The following MDGA2 variants were observed in gnomAD, a reference collection of about 807,000 sequenced individuals.
MDGA2 encodes the protein MAM domain containing glycosylphosphatidylinositol anchor 2, also known as MAM domain-containing glycosylphosphatidylinositol anchor protein 2.
In MDGA2, 40 loss-of-function variants were observed where a neutral mutation model predicts 117.8. The ratio of observed to expected loss-of-function variants is 0.34; its 90% confidence interval spans 0.26 to 0.44. The LOEUF (loss-of-function observed/expected upper bound fraction) is 0.44, where lower values mean the gene tolerates loss of function less well. MDGA2 is among the 20% of genes least tolerant of loss of function. MDGA2 has a pLI of 1.00. For missense variants in MDGA2, 1,123 were observed against 1,250.6 expected, an observed-to-expected ratio of 0.90 and a Z score of 1.54; for synonymous variants, 452 against 439.0, an observed-to-expected ratio of 1.03 and a Z score of -0.37.
At chr14:47,607,154 AT>A (rs1896757954) in intron 1 of MDGA2, among the ~76,000 whole-genome samples, 1 of 152,180 alleles carries the variant, frequency 6.6e-6, no homozygotes, top group Admixed American at 6.6e-5. Flanking sequence ...GTTCTCTATT[AT>A]ATTGCACACT....
intron 3 of MDGA2, among the ~76,000 whole-genome samples, chr14:47,185,075 CA>C (rs1383654615): frequency 6.6e-6 from 1 of 150,664 alleles, no homozygotes; most frequent in African/African-American, 2.4e-5. Flanking sequence ...ATTTGCTTTT[CA>C]AAATGTCTAA....
chr14:47,251,470 A>G (rs925882592), intron 2 of MDGA2, among the ~76,000 whole-genome samples: 6 of 139,584 alleles, frequency 4.3e-5, no homozygotes, highest in Non-Finnish European at 6.4e-5. Flanking sequence ...TATTTAGTAC[A>G]TAATTTTTTT....
At chr14:47,056,647 A>G (rs1453938667) in intron 7 of MDGA2, among the ~76,000 whole-genome samples, 1 of 152,164 alleles carries the variant, frequency 6.6e-6, no homozygotes, top group Non-Finnish European at 1.5e-5. Flanking sequence ...TAAACCTACA[A>G]GTTTGTCAAG....
At chr14:47,495,865 C>T (rs1227670473) in intron 1 of MDGA2, among the ~76,000 whole-genome samples, 7 of 152,210 alleles carry the variant, frequency 4.6e-5, no homozygotes, top group Middle Eastern at 6.8e-3. Flanking sequence ...CATAAATACC[C>T]ATTTCATTGT....
At chr14:46,973,942 C>T (rs1035760767) in intron 8 of MDGA2, among the ~76,000 whole-genome samples, 1 of 149,836 alleles carries the variant, frequency 6.7e-6, no homozygotes, top group African/African-American at 2.5e-5. Context: ...TTCATGATTA[C>T]AGCTCACTGC....
At chr14:47,029,984 C>A (rs918378860) in intron 8 of MDGA2, among the ~76,000 whole-genome samples, 8 of 151,766 alleles carry the variant, frequency 5.3e-5, no homozygotes, top group African/African-American at 1.9e-4. Flanking sequence ...CACACCACCA[C>A]AGCCAGCTAA....
At position 47,013,772 on chromosome 14, in the gene MDGA2, G is replaced by GTATATATATATATATATATATA. The variant is rs71448157; in HGVS notation, c.1819+21238_1819+21239insTATATATATATATATATATATA. Among the ~76,000 whole-genome samples the GTATATATATATATATATATATA allele has an allele frequency of 1.4e-3, 129 of 93,644 alleles. 6 individuals are homozygous for GTATATATATATATATATATATA. Among genetic ancestry groups the GTATATATATATATATATATATA allele is most frequent in the Middle Eastern group, 6.2e-3 (1 of 162 alleles). The allele number at this position is 93,644 out of a possible 152,430, so 61.4% of individuals were successfully genotyped here. A position where few individuals can be genotyped will look rare whatever the true frequency, so the allele number is the denominator to read the frequency against. On this transcript the variant is annotated intron_variant, in intron 8 of 16. Transcript: ENST00000399232. ...TAGGTATGAAAACATTAATTTCCTTGTATATATATATATATATATATCTCC... is the reference window on the plus strand; with the variant it reads ...TAGGTATGAAAACATTAATTTCCTTGTATATATATATATATATATATATATATATATATATATATATATCTCC...
chr14:47,531,678 C>T (rs187133556), intron 1 of MDGA2, among the ~76,000 whole-genome samples: 53 of 152,204 alleles, frequency 3.5e-4, no homozygotes, highest in Middle Eastern at 3.4e-3. Context: ...TCATCTTAGT[C>T]GGGGAGACTC....
At chr14:47,300,087 G>A (rs1424338897) in intron 2 of MDGA2, among the ~76,000 whole-genome samples, 1 of 152,030 alleles carries the variant, frequency 6.6e-6, no homozygotes, top group African/African-American at 2.4e-5. Context: ...GAGTCAAAAT[G>A]GTAAATAAAA....
At chr14:47,134,777 C>CTATATA (rs146851138) in intron 4 of MDGA2, among the ~76,000 whole-genome samples, 142 of 145,956 alleles carry the variant, frequency 9.7e-4, no homozygotes, top group African/African-American at 2.5e-3. Flanking sequence ...CACACACACA[C>CTATATA]TATATATATA....
At chr14:47,432,065 CTA>C (rs1417581010) in intron 1 of MDGA2, among the ~76,000 whole-genome samples, 1 of 152,070 alleles carries the variant, frequency 6.6e-6, no homozygotes, top group African/African-American at 2.4e-5. Context: ...TCTTGAAAGA[CTA>C]TGTCTATTAG....
chr14:47,129,244 C>CA (rs911658451), intron 5 of MDGA2, among the ~76,000 whole-genome samples: 1 of 151,688 alleles, frequency 6.6e-6, no homozygotes, highest in Non-Finnish European at 1.5e-5. Flanking sequence ...ATAGCTCCCC[C>CA]CCCGACCCCA....
In MDGA2 at chr14:46,902,182, A is replaced by AT. The variant is rs976387821; in HGVS notation, c.2238+17829dup. Among the ~76,000 whole-genome samples the AT allele has an allele frequency of 6.6e-5, 10 of 152,166 alleles. 1 individual carries two copies. The highest frequency in any genetic ancestry group is 1.9e-4 in the East Asian group (1 of 5,176). ...AATACATCTATTTTTAGTTTAGTTG[A>AT]TTTTTTTCAACAGTACCACCATGAC... On this transcript the variant is annotated intron_variant, in intron 10 of 16. Transcript: ENST00000399232.
intron 8 of MDGA2, among the ~76,000 whole-genome samples, chr14:47,032,446 G>A (rs117296199): frequency 0.015 from 2,269 of 152,130 alleles, 33 homozygotes; most frequent in Non-Finnish European, 0.023. Flanking sequence ...AATTAGCCAG[G>A]TATGGAGGTG....
intron 3 of MDGA2, among the ~76,000 whole-genome samples, chr14:47,157,964 TATTTCTTCA>T (rs1017907210): frequency 4.0e-5 from 6 of 151,630 alleles, no homozygotes; most frequent in Non-Finnish European, 2.9e-5. Flanking sequence ...TTGTCTTGGG[TATTTCTTCA>T]TAGCAGTGTG....
chr14:46,964,003 T>C (rs1402285135), intron 8 of MDGA2, among the ~76,000 whole-genome samples: 3 of 152,226 alleles, frequency 2.0e-5, no homozygotes. Context: ...ATTTTCACTA[T>C]TAGAACACAG....
intron 6 of MDGA2, among the ~76,000 whole-genome samples, chr14:47,087,941 G>T (rs1386394212): frequency 1.3e-5 from 2 of 151,808 alleles, no homozygotes; most frequent in Non-Finnish European, 2.9e-5. Flanking sequence ...ATTTTTAAAA[G>T]AAAATTGAAA....
intron 16 of MDGA2, among the ~76,000 whole-genome samples, chr14:46,845,510 A>G (rs1880799278): frequency 6.6e-6 from 1 of 152,220 alleles, no homozygotes; most frequent in Non-Finnish European, 1.5e-5. Flanking sequence ...AATCTTAATT[A>G]AAAATCAAAG....
intron 1 of MDGA2, among the ~76,000 whole-genome samples, chr14:47,645,449 T>C (rs1003164940): frequency 6.6e-6 from 1 of 151,596 alleles, no homozygotes. Flanking sequence ...TTAGCCAGGA[T>C]GGTCTCCATC....
Sources: gnomAD v4.1 joint callset for allele counts (sites outside exome capture counted in the v4.1 genomes callset) on GRCh38, gnomAD v4.1.1 for gene constraint, MANE v1.5 for transcripts, NCBI Gene and HGNC (gene_info 2026-07-23, HGNC 2026-07-21) for gene names.